Variants in CDKN2A observed in about 807,000 individuals in gnomAD.
CDKN2A encodes the protein cyclin dependent kinase inhibitor 2A.
CDKN2A carries 3 observed loss-of-function variants against 11.1 expected under a neutral mutation model. The observed-to-expected ratio is 0.27, with a 90% CI of 0.12 to 0.70. The LOEUF (loss-of-function observed/expected upper bound fraction) is 0.70, where lower values mean the gene tolerates loss of function less well. Ranked by LOEUF, CDKN2A falls within the 30% of genes least tolerant of loss-of-function variation. The pLI is 0.77. For missense variants in CDKN2A, 265 were observed against 233.6 expected (o/e 1.13, Z -0.88); for synonymous variants, 122 against 108.1 (o/e 1.13, Z -0.80).
chr9:21,972,075 A>G (rs1477891363), intron 1 of CDKN2A, among the ~76,000 whole-genome samples: 2 of 150,652 alleles, frequency 1.3e-5, no homozygotes, highest in Non-Finnish European at 3.0e-5. Flanking sequence ...TAATTGTTTT[A>G]TATTTCACAG....
chr9:21,994,795 A>C, intron 1 of CDKN2A: 1 of 174,198 alleles, frequency 5.7e-6, no homozygotes, highest in Non-Finnish European at 1.2e-5. Context: ...CCCCCTAGCT[A>C]CATCCGTCAC....
upstream of CDKN2A, among the ~76,000 whole-genome samples, chr9:21,977,098 A>G (rs1360400139): frequency 6.6e-6 from 1 of 152,248 alleles, no homozygotes; most frequent in Non-Finnish European, 1.5e-5. Flanking sequence ...TTTTAAAATG[A>G]AGCCAATGAA....
At chr9:21,970,736 T>G in intron 2 of CDKN2A, 166 bp downstream of exon 2, 1 of 833,166 alleles carries the variant, frequency 1.2e-6, no homozygotes, top group Non-Finnish European at 1.9e-6. Flanking sequence ...TTTGCCGCCC[T>G]GGCGGGGCAG....
At position 21,968,797 on chromosome 9, in the gene CDKN2A, T is replaced by C. The variant is rs1292742880; in HGVS notation, c.458-555A>G. 2.0e-6 allele frequency: 3 copies of C among 1,535,736 alleles called. No individual in the cohort carries two copies. Among genetic ancestry groups the C allele is most frequent in the Non-Finnish European group, 1.7e-6 (2 of 1,146,532 alleles). On this transcript the variant is annotated intron_variant, in intron 2 of 2. Transcript: ENST00000304494. This position sits in a 1 kb window ranked among gnomAD's most constrained non-coding sequence, Gnocchi z 4.7. ...CTGAAACAAAATGGATGCTCATTTA[T>C]TCATGTGCTCTGGCTTCTGCCTTCC... is the stretch of plus-strand genomic sequence containing the variant.
In CDKN2A at chr9:21,974,494, C is replaced by A. The variant is rs2131109585; in HGVS notation, c.150+184G>T. On this transcript the variant is annotated intron_variant, in intron 1 of 2. Coordinates refer to ENST00000304494, the MANE Select transcript of CDKN2A (RefSeq NM_000077.5). The surrounding 1 kb of genome is among the most constrained non-coding windows in gnomAD (Gnocchi z 5.2). ...GTGGCTCCTCATTCCTCTTCCTTGG[C>A]TTCCCAAGCCCCCAGGGCGTCGCCA... 1 of 1,612,974 alleles carries A rather than the reference C, an allele frequency of 6.2e-7. No individual in the cohort carries two copies. Among genetic ancestry groups the A allele is most frequent in the South Asian group, 1.1e-5 (1 of 90,242 alleles).
intron 2 of CDKN2A, chr9:21,992,037 C>T (rs912763932): frequency 1.0e-6 from 1 of 983,806 alleles, no homozygotes; most frequent in African/African-American, 1.7e-5. Context: ...GGCAATTTTT[C>T]AGGTTTCTGT....
chr9:21,969,226 T>TAAAC lies in CDKN2A; in HGVS notation c.458-988_458-985dup, dbSNP rs557854504. On this transcript the variant is annotated intron_variant, in intron 2 of 2. Coordinates refer to ENST00000304494, the MANE Select transcript of CDKN2A (RefSeq NM_000077.5). ...AACATGGTGAGACCTTCGTCTCTAT[T>TAAAC]AAACAAACAAACAAACCCAGGCGTC... Among the ~76,000 whole-genome samples, 385 of 152,194 alleles carry TAAAC rather than the reference T, an allele frequency of 2.5e-3. 1 individual carries two copies. Among genetic ancestry groups the TAAAC allele is most frequent in the African/African-American group, 8.6e-3 (358 of 41,512 alleles).
chr9:21,991,279 T>C lies in CDKN2A; in HGVS notation c.-4+2603A>G, dbSNP rs1007158439. 6.6e-6 allele frequency among the ~76,000 whole-genome samples: 1 copy of C among 151,762 alleles called. No individual in the cohort carries two copies. Among genetic ancestry groups the C allele is most frequent in the African/African-American group, 2.4e-5 (1 of 41,186 alleles). ...CTGCCCAACACAAATTCATACACTT[T>C]CTTAAAGTATCATGAGTTTTTTTTT... On this transcript the variant is annotated intron_variant, in intron 2 of 3. Coordinates refer to the CDKN2A transcript ENST00000494262. This position sits in a 1 kb window ranked among gnomAD's most constrained non-coding sequence, Gnocchi z 5.2.
At chr9:21,969,982 C>G (rs1039973387) in intron 2 of CDKN2A, among the ~76,000 whole-genome samples, 5 of 152,044 alleles carry the variant, frequency 3.3e-5, no homozygotes, top group African/African-American at 1.2e-4. Context: ...CGTTCTGGGC[C>G]AAAATAAGAT....
chr9:21,987,412 CACACACACACACACACACACAGAG>C (rs1309576380), intron 2 of CDKN2A, among the ~76,000 whole-genome samples: 1 of 117,624 alleles, frequency 8.5e-6, no homozygotes, highest in Non-Finnish European at 1.8e-5. Context: ...CACACACACA[CACACACACACACACACACACAGAG>C]AGAGAGAGAG....
chr9:21,970,265 G>A (rs1819643623), intron 2 of CDKN2A: 1 of 238,326 alleles, frequency 4.2e-6, no homozygotes. Flanking sequence ...TCTTGCACAA[G>A]TTTAAGAGGG....
At chr9:21,986,445 C>T (rs1027238279) in intron 2 of CDKN2A, among the ~76,000 whole-genome samples, 3 of 151,772 alleles carry the variant, frequency 2.0e-5, no homozygotes, top group South Asian at 2.1e-4. Context: ...AGGGGTTAAG[C>T]GACTTTCAAA....
intron 2 of CDKN2A, among the ~76,000 whole-genome samples, chr9:21,987,190 A>G (rs1165743297): frequency 6.6e-6 from 1 of 152,012 alleles, no homozygotes; most frequent in African/African-American, 2.4e-5. Flanking sequence ...GTGCTTTTAC[A>G]GAGACATAAA....
Position 21,991,729 on chromosome 9 carries a change from G to T in CDKN2A, c.-4+2153C>A. On this transcript the variant is annotated intron_variant, in intron 2 of 3. Transcript: ENST00000494262. The surrounding 1 kb of genome is among the most constrained non-coding windows in gnomAD (Gnocchi z 5.2). ...ATAGGCTATGTTGTTGCTACCTTAG[G>T]ATCATAATGGACTTTCTAAAATTCA... The T allele has an allele frequency of 1.0e-6, 1 of 983,692 alleles. No homozygotes were observed. Among genetic ancestry groups the T allele is most frequent in the Non-Finnish European group, 1.2e-6 (1 of 828,458 alleles). 60.9% of individuals were successfully genotyped at this position (983,692 alleles called of 1,614,324 possible). A position where few individuals can be genotyped will look rare whatever the true frequency, so the allele number is the denominator to read the frequency against.
intron 2 of CDKN2A, among the ~76,000 whole-genome samples, chr9:21,980,679 G>A (rs1208717097): frequency 1.3e-5 from 2 of 151,916 alleles, no homozygotes; most frequent in Admixed American, 1.3e-4. Context: ...TTGCTTCTCT[G>A]CCAGGCGCGG....
chr9:21,971,976 C>T (rs1377114827), intron 1 of CDKN2A, among the ~76,000 whole-genome samples: 1 of 152,122 alleles, frequency 6.6e-6, no homozygotes, highest in Non-Finnish European at 1.5e-5. Flanking sequence ...CCCATCTTAA[C>T]TGAGGCTTTA....
intron 2 of CDKN2A, chr9:21,992,137 T>TA: frequency 1.2e-6 from 1 of 816,308 alleles, no homozygotes; most frequent in Non-Finnish European, 1.5e-6. Context: ...TGCAGAAACT[T>TA]AAAAAAAGTT....
In CDKN2A at chr9:21,967,923, A is replaced by T. The variant is rs1419473755; in HGVS notation, c.*306T>A. 4.9e-6 allele frequency: 2 copies of T among 404,678 alleles called. No homozygotes were observed. Among genetic ancestry groups the T allele is most frequent in the East Asian group, 7.8e-5 (2 of 25,806 alleles). The allele number at this position is 404,678 out of a possible 1,614,324, so 25.1% of individuals were successfully genotyped here. ...TGCGAGGCTCGCAAGAAATGCCCACATGAATGTGCGCTTAGGGCGTGAGTG... is the reference window on the plus strand; with the variant it reads ...TGCGAGGCTCGCAAGAAATGCCCACTTGAATGTGCGCTTAGGGCGTGAGTG... On this transcript the variant is annotated 3_prime_UTR_variant, in exon 3 of 3. Coordinates refer to ENST00000304494, the MANE Select transcript of CDKN2A (RefSeq NM_000077.5).
rs1196351886 is a variant in CDKN2A at position 21,988,754 on chromosome 9, A to T, written c.-4+5128T>A. 6.6e-6 allele frequency among the ~76,000 whole-genome samples: 1 copy of T among 152,176 alleles called. No homozygotes were observed. Among genetic ancestry groups the T allele is most frequent in the Non-Finnish European group, 1.5e-5 (1 of 68,018 alleles). On this transcript the variant is annotated intron_variant, in intron 2 of 3. Coordinates refer to the CDKN2A transcript ENST00000494262. The surrounding 1 kb of genome is among the most constrained non-coding windows in gnomAD (Gnocchi z 4.1). ...GCACATGTGCCCTCTCCTCCTAAATAAAAGTTGAAAAAAAATCTACGAGGC... is the reference window on the plus strand; with the variant it reads ...GCACATGTGCCCTCTCCTCCTAAATTAAAGTTGAAAAAAAATCTACGAGGC...
Sources: gnomAD v4.1 joint callset for allele counts (sites outside exome capture counted in the v4.1 genomes callset) on GRCh38, gnomAD v4.1.1 for gene constraint, Gnocchi (gnomAD v3.1) non-coding constraint, MANE v1.5 for transcripts, NCBI Gene and HGNC (gene_info 2026-07-23, HGNC 2026-07-21) for gene names.